Variants in AP3B1 observed in about 807,000 individuals in gnomAD.
AP3B1 encodes AP-3 complex subunit beta-1.
Under a neutral mutation model 132.5 loss-of-function variants are expected in AP3B1, and 61 were observed. The ratio of observed to expected loss-of-function variants is 0.46; its 90% CI spans 0.37 to 0.57. The LOEUF (loss-of-function observed/expected upper bound fraction) is 0.57. Among genes scored for constraint, AP3B1 ranks in the 20% least tolerant of loss-of-function variants. The pLI, the probability that AP3B1 is intolerant of heterozygous loss-of-function variation, is 0.00. For synonymous variants in AP3B1, 388 were observed against 438.3 expected (o/e 0.89, Z 1.43); for missense variants, 1,120 against 1,289.4 (o/e 0.87, Z 2.01).
At chr5:78,201,908 A>G (rs1193602639) in intron 7 of AP3B1, among the ~76,000 whole-genome samples, 2 of 152,078 alleles carry the variant, frequency 1.3e-5, no homozygotes, top group African/African-American at 2.4e-5. Flanking sequence ...GGGGAGGAGG[A>G]GCGATGCAAA....
At chr5:78,184,716 A>T (rs995859291) in intron 7 of AP3B1, among the ~76,000 whole-genome samples, 1 of 151,008 alleles carries the variant, frequency 6.6e-6, no homozygotes, top group Non-Finnish European at 1.5e-5. Flanking sequence ...CTCAGGGACC[A>T]GTGAAAATGC....
At chr5:78,202,712 G>T (rs565128063) in intron 7 of AP3B1, among the ~76,000 whole-genome samples, 4 of 152,070 alleles carry the variant, frequency 2.6e-5, no homozygotes, top group Admixed American at 6.6e-5. Context: ...AAGCACAACA[G>T]TAATACTTCA....
chr5:78,058,295 T>G (rs977217708), intron 22 of AP3B1, among the ~76,000 whole-genome samples: 3 of 151,912 alleles, frequency 2.0e-5, no homozygotes, highest in Non-Finnish European at 2.9e-5. Flanking sequence ...AGGTCAGCAG[T>G]TTGAGACCAG....
chr5:78,149,680 G>T (rs1753562745), intron 14 of AP3B1, among the ~76,000 whole-genome samples: 3 of 152,120 alleles, frequency 2.0e-5, no homozygotes. Context: ...GAGAAAACTG[G>T]AGCATAGTGA....
At chr5:78,121,458 AAAG>A (rs1752189231) in intron 17 of AP3B1, among the ~76,000 whole-genome samples, 1 of 152,202 alleles carries the variant, frequency 6.6e-6, no homozygotes, top group Non-Finnish European at 1.5e-5. Flanking sequence ...CAAGACTAAT[AAAG>A]AAGAAAAGAG....
intron 2 of AP3B1, among the ~76,000 whole-genome samples, chr5:78,247,282 G>C (rs1374543526): frequency 6.7e-6 from 1 of 148,182 alleles, no homozygotes; most frequent in Non-Finnish European, 1.5e-5. Flanking sequence ...ATAATATATA[G>C]ATAATATAGA....
At chr5:78,236,694 GT>G (rs944658843) in intron 3 of AP3B1, among the ~76,000 whole-genome samples, 2 of 152,102 alleles carry the variant, frequency 1.3e-5, no homozygotes, top group East Asian at 3.8e-4. Flanking sequence ...GGTCAGACAG[GT>G]TTTTTTAATG....
chr5:78,260,607 A>G (rs1748048934), intron 2 of AP3B1, among the ~76,000 whole-genome samples: 1 of 152,164 alleles, frequency 6.6e-6, no homozygotes, highest in African/African-American at 2.4e-5. Flanking sequence ...AATAAAAAAT[A>G]GAAAATAAAA....
chr5:78,031,911 G>C (rs536760767), intron 24 of AP3B1, among the ~76,000 whole-genome samples: 168 of 152,288 alleles, frequency 1.1e-3, no homozygotes, highest in African/African-American at 3.8e-3. Flanking sequence ...TCTCTAACTA[G>C]CACTAAGCTG....
intron 2 of AP3B1, among the ~76,000 whole-genome samples, chr5:78,262,683 CTT>C (rs71613943): frequency 1.8e-4 from 26 of 143,688 alleles, no homozygotes; most frequent in Non-Finnish European, 1.8e-4. Flanking sequence ...CAATTTTGTT[CTT>C]TTTTTTTTTT....
intron 22 of AP3B1, among the ~76,000 whole-genome samples, chr5:78,083,068 C>A (rs961362663): frequency 6.6e-6 from 1 of 152,262 alleles, no homozygotes; most frequent in African/African-American, 2.4e-5. Context: ...CCACCTGCCT[C>A]GGCCTCCCAA....
At chr5:78,231,874 A>C (rs1746663954) in intron 3 of AP3B1, among the ~76,000 whole-genome samples, 1 of 152,234 alleles carries the variant, frequency 6.6e-6, no homozygotes, top group Admixed American at 6.5e-5. Context: ...CAGATAAGAA[A>C]ATGAAACACA....
At chr5:78,021,262 G>A (rs1404582410) in intron 24 of AP3B1, among the ~76,000 whole-genome samples, 8 of 151,910 alleles carry the variant, frequency 5.3e-5, no homozygotes, top group Non-Finnish European at 1.0e-4. Flanking sequence ...GTTTAGATAG[G>A]TGCTAATAAA....
chr5:78,189,239 A>G (rs1047232898), intron 7 of AP3B1, among the ~76,000 whole-genome samples: 1 of 152,112 alleles, frequency 6.6e-6, no homozygotes, highest in African/African-American at 2.4e-5. Flanking sequence ...AAATAATAAT[A>G]AAATTATTTA....
At chr5:78,264,334 C>T (rs1342281814) in intron 2 of AP3B1, among the ~76,000 whole-genome samples, 1 of 152,134 alleles carries the variant, frequency 6.6e-6, no homozygotes, top group Non-Finnish European at 1.5e-5. Context: ...CAGAAAACTG[C>T]TAGTTAATTC....
At chr5:78,116,101 T>C (rs1175797704) in intron 18 of AP3B1, 25 bp downstream of exon 18, 35 of 1,487,594 alleles carry the variant, frequency 2.4e-5, no homozygotes, top group East Asian at 4.5e-5. Flanking sequence ...GTAAATAATA[T>C]ATGCCAATAA....
intron 26 of AP3B1, among the ~76,000 whole-genome samples, chr5:78,010,337 C>G (rs113511275): frequency 5.0e-4 from 76 of 152,336 alleles, no homozygotes; most frequent in African/African-American, 1.8e-3. Context: ...CATTTGCCTT[C>G]CAACCACTTG....
intron 7 of AP3B1, among the ~76,000 whole-genome samples, chr5:78,215,041 TTTTA>T (rs1745899823): frequency 6.6e-6 from 1 of 152,110 alleles, no homozygotes; most frequent in African/African-American, 2.4e-5. Flanking sequence ...GTGATCAACA[TTTTA>T]TAATAATTTG....
chr5:78,054,499 C>T (rs1481511181), intron 22 of AP3B1, among the ~76,000 whole-genome samples: 1 of 140,266 alleles, frequency 7.1e-6, no homozygotes, highest in African/African-American at 2.8e-5. Context: ...TTGGTAGTAA[C>T]AATGATTTCG....
Sources: allele counts gnomAD v4.1 joint callset (sites outside exome capture counted in the v4.1 genomes callset), GRCh38; gene constraint gnomAD v4.1.1; transcripts MANE v1.5; gene names NCBI Gene and HGNC (gene_info 2026-07-23, HGNC 2026-07-21).